FRMD4A: variants seen among roughly 807,000 people sequenced by gnomAD.
FRMD4A encodes the protein FERM domain-containing protein 4A.
A neutral mutation model predicts 129.1 loss-of-function variants in FRMD4A; 29 were observed. The observed-to-expected ratio is 0.22, with a 90% CI of 0.17 to 0.31. FRMD4A has a LOEUF of 0.31. Among genes scored for constraint, FRMD4A ranks in the 10% least tolerant of loss-of-function variants. The pLI is 1.00. For missense variants in FRMD4A, 1,272 were observed against 1,375.8 expected (o/e 0.92, Z 1.19); for synonymous variants, 634 against 571.6 (o/e 1.11, Z -1.56).
intron 2 of FRMD4A, among the ~76,000 whole-genome samples, chr10:13,969,778 T>C (rs1056329727): frequency 6.6e-6 from 1 of 152,028 alleles, no homozygotes; most frequent in African/African-American, 2.4e-5. Context: ...CCCAGGGAGG[T>C]TGAGGCTGCA....
chr10:13,959,507 G>T (rs56390577), intron 2 of FRMD4A, among the ~76,000 whole-genome samples: 47,216 of 76,312 alleles, frequency 0.62, 12,721 homozygotes, highest in East Asian at 0.89. Context: ...AAAGCTGTGA[G>T]TGATTTTTTT....
intron 6 of FRMD4A, 38 bp from the exon 7 acceptor site, chr10:13,762,718 A>T (rs1194952161): frequency 3.8e-6 from 5 of 1,327,162 alleles, no homozygotes; most frequent in Non-Finnish European, 5.4e-6. Flanking sequence ...CAAGTTTGGT[A>T]TTTAACCACC....
chr10:13,750,651 A>T (rs77360012), intron 8 of FRMD4A, among the ~76,000 whole-genome samples: 2,016 of 152,330 alleles, frequency 0.013, 83 homozygotes, highest in South Asian at 0.12. Flanking sequence ...GAAGAAATCC[A>T]TCAGAGTAAG....
chr10:13,878,065 G>C (rs990421941), intron 2 of FRMD4A, among the ~76,000 whole-genome samples: 1 of 152,156 alleles, frequency 6.6e-6, no homozygotes, highest in Non-Finnish European at 1.5e-5. Flanking sequence ...CGGCAAACGA[G>C]AGTCTAAATA....
chr10:14,193,589 G>A (rs1397448237), intron 2 of FRMD4A, among the ~76,000 whole-genome samples: 1 of 151,216 alleles, frequency 6.6e-6, no homozygotes, highest in African/African-American at 2.4e-5. Flanking sequence ...CAATTTAGTT[G>A]GGCAAAGAGG....
At chr10:14,045,136 C>T (rs1178272883) in intron 2 of FRMD4A, among the ~76,000 whole-genome samples, 3 of 152,134 alleles carry the variant, frequency 2.0e-5, no homozygotes, top group Non-Finnish European at 4.4e-5. Context: ...CTCCTGGACT[C>T]GAATGATCCT....
intron 2 of FRMD4A, among the ~76,000 whole-genome samples, chr10:13,927,449 A>G (rs543618156): frequency 1.3e-5 from 2 of 152,200 alleles, no homozygotes; most frequent in Non-Finnish European, 2.9e-5. Flanking sequence ...ACTGAATCAT[A>G]TATTGGTATC....
chr10:13,774,213 A>G (rs1231633582), intron 6 of FRMD4A, among the ~76,000 whole-genome samples: 2 of 152,188 alleles, frequency 1.3e-5, no homozygotes, highest in Admixed American at 6.5e-5. Flanking sequence ...CAACTTGGAT[A>G]GATTATGACT....
intron 2 of FRMD4A, among the ~76,000 whole-genome samples, chr10:14,066,242 G>A (rs1429181330): frequency 6.6e-6 from 1 of 151,488 alleles, no homozygotes; most frequent in Non-Finnish European, 1.5e-5. Flanking sequence ...GAGTTGGCCA[G>A]AAGCTATTTA....
At chr10:13,802,621 A>G (rs1008626748) in intron 4 of FRMD4A, among the ~76,000 whole-genome samples, 1 of 129,702 alleles carries the variant, frequency 7.7e-6, no homozygotes, top group South Asian at 2.2e-4. Flanking sequence ...TTGGGTAATT[A>G]AAAAAAAAGG....
chr10:14,108,566 C>T (rs1588991415), intron 2 of FRMD4A, among the ~76,000 whole-genome samples: 2 of 152,186 alleles, frequency 1.3e-5, no homozygotes, highest in Admixed American at 1.3e-4. Flanking sequence ...TGTACCAACA[C>T]AAACCAGATA....
chr10:14,223,279 G>A (rs1181548215), intron 2 of FRMD4A, among the ~76,000 whole-genome samples: 2 of 152,200 alleles, frequency 1.3e-5, no homozygotes, highest in African/African-American at 4.8e-5. Context: ...GACCAGGAAT[G>A]CCTGTTCCCT....
At chr10:13,773,329 C>T (rs1216564533) in intron 6 of FRMD4A, among the ~76,000 whole-genome samples, 2 of 152,186 alleles carry the variant, frequency 1.3e-5, no homozygotes, top group Non-Finnish European at 2.9e-5. Context: ...CTCTTCTCAG[C>T]TTGCAAACCG....
chr10:13,651,665 T>G (rs57235231), intron 24 of FRMD4A: 1 of 517,724 alleles, frequency 1.9e-6, no homozygotes, highest in African/African-American at 1.9e-5. Context: ...AGAACAAGAC[T>G]CTGTCTCAAA....
intron 2 of FRMD4A, among the ~76,000 whole-genome samples, chr10:13,902,234 G>A (rs1378538962): frequency 6.6e-6 from 1 of 152,072 alleles, no homozygotes; most frequent in African/African-American, 2.4e-5. Context: ...ATGTGGCCCA[G>A]GCTGGTCTTG....
At chr10:13,709,432 G>A (rs772661429) in intron 12 of FRMD4A, among the ~76,000 whole-genome samples, 5 of 152,090 alleles carry the variant, frequency 3.3e-5, no homozygotes, top group Admixed American at 1.3e-4. Context: ...AATCCCAAAT[G>A]CTCTTACTTC....
chr10:13,990,068 T>A (rs2095597962), intron 2 of FRMD4A, among the ~76,000 whole-genome samples: 1 of 152,208 alleles, frequency 6.6e-6, no homozygotes, highest in South Asian at 2.1e-4. Context: ...ACCCTGGATC[T>A]GCCACTGCTG....
intron 2 of FRMD4A, among the ~76,000 whole-genome samples, chr10:13,987,901 A>C: frequency 6.6e-6 from 1 of 152,240 alleles, no homozygotes; most frequent in East Asian, 1.9e-4. Flanking sequence ...ACAGCTGTAA[A>C]GGAAGAGAAA....
At chr10:14,174,361 G>A (rs1232884089) in intron 2 of FRMD4A, among the ~76,000 whole-genome samples, 1 of 152,052 alleles carries the variant, frequency 6.6e-6, no homozygotes, top group African/African-American at 2.4e-5. Flanking sequence ...CTGCTCACTT[G>A]ACAAATGATC....
Sources: gnomAD v4.1 joint callset for allele counts (sites outside exome capture counted in the v4.1 genomes callset) on GRCh38, gnomAD v4.1.1 for gene constraint, MANE v1.5 for transcripts, NCBI Gene and HGNC (gene_info 2026-07-23, HGNC 2026-07-21) for gene names.